PARP4: variants seen among roughly 807,000 people sequenced by gnomAD.
PARP4 encodes the protein protein mono-ADP-ribosyltransferase PARP4.
A neutral mutation model predicts 187.7 loss-of-function variants in PARP4; 120 were observed. The ratio of observed to expected loss-of-function variants is 0.64; its 90% CI spans 0.55 to 0.74. PARP4 has a LOEUF of 0.74. PARP4 is among the 30% of genes least tolerant of loss of function. The probability of loss-of-function intolerance (pLI) is 0.00; values close to 1 mark genes in which losing one functional copy is unlikely to be tolerated. For synonymous variants in PARP4, 654 were observed against 740.9 expected, an observed-to-expected ratio of 0.88 and a Z score of 1.90; for missense variants, 1,836 against 2,070.5, an observed-to-expected ratio of 0.89 and a Z score of 2.20.
At chr13:24,487,923 G>C (rs1868414403) in intron 10 of PARP4, among the ~76,000 whole-genome samples, 1 of 152,180 alleles carries the variant, frequency 6.6e-6, no homozygotes, top group Non-Finnish European at 1.5e-5. Flanking sequence ...GAGATTTTGA[G>C]TGATTTTTAA....
In PARP4 at chr13:24,490,652, T is replaced by C. The variant is rs370654396; in HGVS notation, c.1214+16A>G. 29 of 1,596,452 alleles carry C rather than the reference T, an allele frequency of 1.8e-5. No homozygotes were observed. In the Middle Eastern group the frequency reaches 5.0e-4, roughly 27 times the overall value. On this transcript the variant is annotated intron_variant, in intron 10 of 33. Coordinates refer to ENST00000381989, the MANE Select transcript of PARP4 (RefSeq NM_006437.4). ...TTATATTATAACAGATCCTGAGATA[T>C]TTCCTTTATGCTTACCTGTGATGAT... is the stretch of plus-strand genomic sequence containing the variant.
At position 24,492,565 on chromosome 13, in the gene PARP4, TAGA is replaced by T. The variant is rs1868718119; in HGVS notation, c.906_908del (p.Leu303del). ...CTCCATTTTTCAGTGCTGCCTTTAC[TAGA>T]AGGAGAATCCCCTCTGCCTTGCTCA... On this transcript the variant is annotated inframe_deletion, in exon 9 of 34. Transcript: ENST00000381989. The T allele has an allele frequency of 1.9e-6, 3 of 1,614,058 alleles. No individual in the cohort carries two copies. The highest frequency in any genetic ancestry group is 1.1e-5 in the South Asian group (1 of 91,078).
chr13:24,436,310 A>G (rs981506327), intron 30 of PARP4, among the ~76,000 whole-genome samples: 4 of 152,188 alleles, frequency 2.6e-5, no homozygotes, highest in Admixed American at 2.6e-4. Flanking sequence ...ATTTTTACTT[A>G]CTCATTTTTT....
At chr13:24,432,196 C>G (rs893874018) in intron 31 of PARP4, among the ~76,000 whole-genome samples, 6 of 151,810 alleles carry the variant, frequency 4.0e-5, no homozygotes, top group African/African-American at 1.2e-4. Context: ...GAACATTTAT[C>G]ATGTCTTTGT....
At position 24,441,910 on chromosome 13, in the gene PARP4, T is replaced by C; in HGVS notation, c.3602A>G (p.Glu1201Gly). The C allele has an allele frequency of 8.1e-6, 13 of 1,610,464 alleles. No individual in the cohort carries two copies. Among genetic ancestry groups the C allele is most frequent in the Non-Finnish European group, 1.1e-5 (13 of 1,178,346 alleles). Residue 1201 changes from glutamate (E) to glycine (G), a missense_variant, in exon 30 of 34, where the codon GAA becomes GGA. Transcript: ENST00000381989. ...CATGTAGGGCAGGAAGTCTACATCT[T>C]CTTTGGCAATAAGTTCAGAAACTTT... ...IPKVSELIAKEDVDFLPYMSW... is the reference protein window; with the variant it reads ...IPKVSELIAKGDVDFLPYMSW...
Position 24,434,712 on chromosome 13 carries a change from G to A in PARP4, c.4429C>T (p.Leu1477=). The change falls in exon 31 of 34, where the codon CTG becomes TTG. Residue 1477 remains leucine, a synonymous_variant. Coordinates refer to ENST00000381989, the MANE Select transcript of PARP4 (RefSeq NM_006437.4). ...TCAGGTAAAGCAGAGGCCATTGGCA[G>A]CCTAAGGTTGGCAGTCAAAGAGGCT... ...SAASLTANLR[L]PMASALPEAL... 6.2e-7 allele frequency: 1 copy of A among 1,614,098 alleles called. No homozygotes were observed. Among genetic ancestry groups the A allele is most frequent in the Non-Finnish European group, 8.5e-7 (1 of 1,179,980 alleles).
intron 30 of PARP4, among the ~76,000 whole-genome samples, 190 bp from the exon 31 acceptor site, chr13:24,435,664 C>T (rs1870599282): frequency 6.6e-6 from 1 of 152,166 alleles, no homozygotes; most frequent in Admixed American, 6.5e-5. Context: ...CGCGTGTCAT[C>T]TCAGCACTTT....
chr13:24,501,181 T>G (rs575445452), intron 3 of PARP4, among the ~76,000 whole-genome samples: 1 of 152,238 alleles, frequency 6.6e-6, no homozygotes, highest in African/African-American at 2.4e-5. Flanking sequence ...GCATTTTTCA[T>G]GTCCAAAGGC....
chr13:24,435,066 A>T lies in PARP4; in HGVS notation c.4075T>A (p.Phe1359Ile). The T allele has an allele frequency of 6.2e-7, 1 of 1,614,138 alleles. No homozygotes were observed. The highest frequency in any genetic ancestry group is 8.5e-7 in the Non-Finnish European group (1 of 1,180,030). ...SFGSAAPPRQ[F>I]DASQFSQGPV... ...CCTTGGCTGAATTGAGATGCATCAA[A>T]CTGTCTGGGAGGAGCAGCTGAACCG... The change falls in exon 31 of 34, where the codon TTT (phenylalanine) becomes ATT (isoleucine). Residue 1359 changes from phenylalanine (F) to isoleucine (I), a missense_variant. By Grantham distance (21) the Phe-to-Ile change is conservative. Around this residue, in one of 8 missense-constraint regions of PARP4, gnomAD observed 450 missense variants for 439.2 expected, o/e 1.02. Transcript: ENST00000381989.
At chr13:24,457,337 G>A (rs984050788) in intron 20 of PARP4, among the ~76,000 whole-genome samples, 5 of 152,134 alleles carry the variant, frequency 3.3e-5, no homozygotes, top group African/African-American at 9.7e-5. Flanking sequence ...CTCCTGCCAC[G>A]AGGCAGCAGC....
chr13:24,493,750 G>A lies in PARP4; in HGVS notation c.742-17C>T. The A allele has an allele frequency of 1.2e-6, 2 of 1,612,468 alleles. No individual in the cohort carries two copies. Among genetic ancestry groups the A allele is most frequent in the South Asian group, 1.1e-5 (1 of 90,954 alleles). ...CAAAAGCAACTACAATAATAAAATA[G>A]AAATGCCACCAAAAAGTCATCATGT... On this transcript the variant is annotated splice_polypyrimidine_tract_variant and intron_variant, in intron 7 of 33. Coordinates refer to ENST00000381989, the MANE Select transcript of PARP4 (RefSeq NM_006437.4).
rs1466486983 is a variant in PARP4, at chr13:24,498,298, T to C, written c.478-69A>G. On this transcript the variant is annotated intron_variant, in intron 5 of 33. Transcript: ENST00000381989. Reference sequence around the variant, plus strand: ...TCAAACTACATGTGCCATTTGAAAATGTTGATTATAATTATAAAATATGTT... The same window carrying C: ...TCAAACTACATGTGCCATTTGAAAACGTTGATTATAATTATAAAATATGTT... 3.0e-5 allele frequency: 26 copies of C among 860,878 alleles called. 1 individual carries two copies. The South Asian group carries it at 3.1e-4, about 10-fold the overall frequency. The allele number at this position is 860,878 out of a possible 1,614,324, so 53.3% of individuals were successfully genotyped here. A position where few individuals can be genotyped will look rare whatever the true frequency, so the allele number is the denominator to read the frequency against.
intron 12 of PARP4, among the ~76,000 whole-genome samples, chr13:24,483,772 G>T (rs186597323): frequency 6.6e-6 from 1 of 152,030 alleles, no homozygotes; most frequent in African/African-American, 2.4e-5. Flanking sequence ...GACTACAGGT[G>T]CACACCACCA....
chr13:24,426,004 C>A (rs1241233191), intron 33 of PARP4, among the ~76,000 whole-genome samples: 2 of 152,202 alleles, frequency 1.3e-5, no homozygotes, highest in Non-Finnish European at 1.5e-5. Context: ...GAGATTAGAA[C>A]ACATTTAATC....
chr13:24,456,335 GTA>G lies in PARP4; in HGVS notation c.2562+4_2562+5del, dbSNP rs1374256717. 2 of 1,603,686 alleles carry G rather than the reference GTA, an allele frequency of 1.2e-6. No homozygotes were observed. Among genetic ancestry groups the G allele is most frequent in the Admixed American group, 3.3e-5 (2 of 59,880 alleles). ...GTCTCCTATGTCTAAGTAAAAAGGA[GTA>G]TACCTCGCTTTCTTTTTCTGGATGT... On this transcript the variant is annotated splice_donor_5th_base_variant and intron_variant, in intron 21 of 33. Transcript: ENST00000381989.
chr13:24,512,608 C>A (rs1363091340), intron 1 of PARP4, 98 bp downstream of exon 1: 1 of 152,518 alleles, frequency 6.6e-6, no homozygotes, highest in East Asian at 1.9e-4. Flanking sequence ...CCGCGCAGGG[C>A]AAGGGTGCAG....
chr13:24,432,260 T>C (rs1870380253), intron 31 of PARP4, among the ~76,000 whole-genome samples: 1 of 152,200 alleles, frequency 6.6e-6, no homozygotes, highest in Non-Finnish European at 1.5e-5. Flanking sequence ...TACAATGTAT[T>C]GTTAACGATA....
intron 17 of PARP4, among the ~76,000 whole-genome samples, chr13:24,466,833 T>G (rs1285910844): frequency 7.8e-6 from 1 of 127,518 alleles, no homozygotes; most frequent in South Asian, 2.6e-4. Flanking sequence ...AATAAGCCAA[T>G]AATGGAGATA....
intron 30 of PARP4, among the ~76,000 whole-genome samples, chr13:24,440,385 G>A (rs6490931): frequency 0.4 from 54,044 of 135,186 alleles, 10,863 homozygotes; most frequent in African/African-American, 0.47. Context: ...GCGACAGAGC[G>A]AGACTCTATC....
Sources: gnomAD v4.1 joint callset for allele counts (sites outside exome capture counted in the v4.1 genomes callset) on GRCh38, gnomAD v4.1.1 for gene constraint, gnomAD v4.1.1 regional missense constraint, MANE v1.5 for transcripts, NCBI Gene and HGNC (gene_info 2026-07-23, HGNC 2026-07-21) for gene names.